STK38: variants seen among roughly 807,000 people sequenced by gnomAD.
The protein encoded by STK38 is serine/threonine kinase 38.
A neutral mutation model predicts 59.0 loss-of-function variants in STK38; 26 were observed. The observed-to-expected ratio is 0.44, with a 90% confidence interval of 0.32 to 0.61. STK38 has a LOEUF of 0.61. STK38 is among the 20% of genes least tolerant of loss of function. The pLI, the probability that STK38 is intolerant of heterozygous loss-of-function variation, is 0.04. For missense variants in STK38, 433 were observed against 566.0 expected (o/e 0.76, Z 2.38); for synonymous variants, 175 against 176.6 (o/e 0.99, Z 0.07).
At chr6:36,546,331 TAGG>T (rs1443935222) in intron 1 of STK38, among the ~76,000 whole-genome samples, 1 of 152,144 alleles carries the variant, frequency 6.6e-6, no homozygotes, top group African/African-American at 2.4e-5. Context: ...TCTCTCCTCT[TAGG>T]AGGAAGCTGG....
intron 2 of STK38, among the ~76,000 whole-genome samples, chr6:36,527,207 A>AAAAAAAAATATATATATAT (rs60162863): frequency 3.9e-4 from 46 of 119,340 alleles, no homozygotes; most frequent in African/African-American, 1.5e-3. Context: ...AAAAAAAAAA[A>AAAAAAAAATATATATATAT]ATATATGTAT....
At chr6:36,507,397 T>C in intron 8 of STK38, 103 bp downstream of exon 8, 1 of 965,864 alleles carries the variant, frequency 1.0e-6, no homozygotes, top group Non-Finnish European at 1.6e-6. Context: ...CTCTACATAC[T>C]CAAAGTGTGA....
chr6:36,513,849 A>C (rs1328717578), intron 7 of STK38, among the ~76,000 whole-genome samples: 1 of 73,230 alleles, frequency 1.4e-5, no homozygotes, highest in African/African-American at 5.3e-5. Flanking sequence ...ACTAAAAATT[A>C]AAAAAAAAAA....
At position 36,498,482 on chromosome 6, in the gene STK38, G is replaced by A. The variant is rs775245465; in HGVS notation, c.957C>T (p.Tyr319=). 2.5e-6 allele frequency: 4 copies of A among 1,608,364 alleles called. No homozygotes were observed. The highest frequency in any genetic ancestry group is 1.1e-5 in the South Asian group (1 of 89,642). Residue 319 remains tyrosine (Y), a synonymous_variant, in exon 11 of 14, where the codon TAC becomes TAT. Transcript: ENST00000229812. ...GVIMYEMLIG[Y]PPFCSETPQE... ...GAGGGGTCTCAGAACAGAAAGGTGG[G>A]TAGCCTGTAATAAAAAAGGAACTTC...
chr6:36,528,926 G>A (rs111256804), intron 2 of STK38, among the ~76,000 whole-genome samples: 2,312 of 152,252 alleles, frequency 0.015, 55 homozygotes, highest in African/African-American at 0.052. Flanking sequence ...TTACTGAAGT[G>A]TAATTAAATT....
At chr6:36,515,548 A>G in intron 6 of STK38, 56 bp from the exon 7 acceptor site, 1 of 1,602,350 alleles carries the variant, frequency 6.2e-7, no homozygotes, top group Admixed American at 1.7e-5. Context: ...ACACACACAC[A>G]CACACACAAC....
intron 2 of STK38, among the ~76,000 whole-genome samples, chr6:36,531,307 C>T (rs1000239190): frequency 6.6e-6 from 1 of 152,146 alleles, no homozygotes; most frequent in Non-Finnish European, 1.5e-5. Flanking sequence ...AAAAAGCTTA[C>T]CATTATTACC....
chr6:36,538,123 AC>A (rs1448396530), intron 2 of STK38, among the ~76,000 whole-genome samples: 1 of 151,346 alleles, frequency 6.6e-6, no homozygotes, highest in Non-Finnish European at 1.5e-5. Context: ...ATACAGTGAA[AC>A]CCCGTCTCTA....
At chr6:36,527,341 T>A (rs907274337) in intron 2 of STK38, among the ~76,000 whole-genome samples, 1 of 143,684 alleles carries the variant, frequency 7.0e-6, no homozygotes, top group African/African-American at 2.7e-5. Flanking sequence ...CACACACATA[T>A]ATGTAATATA....
chr6:36,539,853 T>C (rs1777888576), intron 2 of STK38, among the ~76,000 whole-genome samples: 1 of 151,210 alleles, frequency 6.6e-6, no homozygotes, highest in African/African-American at 2.4e-5. Context: ...CAAGTATCAT[T>C]TTTTTTCTTG....
chr6:36,506,456 C>A, intron 9 of STK38, 127 bp downstream of exon 9: 1 of 938,166 alleles, frequency 1.1e-6, no homozygotes, highest in South Asian at 1.5e-5. Context: ...CAACAGCACT[C>A]TCTTTAGGTA....
At chr6:36,512,880 C>T (rs1320463459) in intron 7 of STK38, among the ~76,000 whole-genome samples, 3 of 151,946 alleles carry the variant, frequency 2.0e-5, no homozygotes, top group Non-Finnish European at 4.4e-5. Flanking sequence ...AGCTGGTCTC[C>T]AACTCTTGAC....
intron 2 of STK38, among the ~76,000 whole-genome samples, chr6:36,529,820 T>TTACTCTAAA (rs1777623403): frequency 6.6e-6 from 1 of 152,186 alleles, no homozygotes; most frequent in African/African-American, 2.4e-5. Context: ...TCTAATCTAA[T>TTACTCTAAA]TTAGGGTCCC....
intron 7 of STK38, among the ~76,000 whole-genome samples, chr6:36,508,924 C>T (rs1423775394): frequency 6.6e-6 from 1 of 152,136 alleles, no homozygotes; most frequent in Admixed American, 6.5e-5. Flanking sequence ...TGCATCTGGA[C>T]GAGGGGAATG....
At chr6:36,537,725 C>T (rs1053751546) in intron 2 of STK38, among the ~76,000 whole-genome samples, 4 of 151,958 alleles carry the variant, frequency 2.6e-5, no homozygotes, top group Non-Finnish European at 5.9e-5. Context: ...AAGTGAGACC[C>T]TGTCTCTACA....
At chr6:36,506,852 GAGTTGTAA>G (rs1182768867) in intron 8 of STK38, among the ~76,000 whole-genome samples, 7 of 152,104 alleles carry the variant, frequency 4.6e-5, no homozygotes, top group Non-Finnish European at 7.4e-5. Flanking sequence ...GACTCACACA[GAGTTGTAA>G]AAGGCACTCC....
At chr6:36,515,981 T>G (rs1243931484) in intron 6 of STK38, among the ~76,000 whole-genome samples, 1 of 152,156 alleles carries the variant, frequency 6.6e-6, no homozygotes, top group African/African-American at 2.4e-5. Context: ...CCAACTTCTA[T>G]TCACAGAACA....
At chr6:36,543,886 G>A (rs769271503) in intron 1 of STK38, among the ~76,000 whole-genome samples, 7 of 151,598 alleles carry the variant, frequency 4.6e-5, no homozygotes, top group African/African-American at 7.3e-5. Context: ...TGACTGCCTG[G>A]GCCTCCCAAA....
chr6:36,501,787 C>A (rs749133066), intron 9 of STK38, among the ~76,000 whole-genome samples: 1 of 152,142 alleles, frequency 6.6e-6, no homozygotes, highest in African/African-American at 2.4e-5. Context: ...CATTTCTCTG[C>A]CGTATGCTAT....
Sources: allele counts gnomAD v4.1 joint callset (sites outside exome capture counted in the v4.1 genomes callset), GRCh38; gene constraint gnomAD v4.1.1; transcripts MANE v1.5; gene names NCBI Gene and HGNC (gene_info 2026-07-23, HGNC 2026-07-21).